The following WNT7B variants were observed in gnomAD, a reference collection of about 807,000 sequenced individuals.
WNT7B encodes the protein Wnt family member 7B.
Under a neutral mutation model 38.2 loss-of-function variants are expected in WNT7B, and 19 were observed. The observed-to-expected ratio is 0.50, with a 90% CI of 0.35 to 0.73. WNT7B has a LOEUF of 0.73. Ranked by LOEUF, WNT7B falls within the 30% of genes least tolerant of loss-of-function variation. WNT7B has a pLI of 0.01. For synonymous variants in WNT7B, 243 were observed against 209.3 expected (o/e 1.16, Z -1.39); for missense variants, 423 against 507.9 (o/e 0.83, Z 1.61).
Position 45,920,711 on chromosome 22 carries a change from GGGGATGGGATGA to G in WNT7B, c.*2133_*2144del, listed in dbSNP as rs1930901354. On this transcript the variant is annotated 3_prime_UTR_variant, in exon 4 of 4. Coordinates refer to ENST00000339464, the MANE Select transcript of WNT7B (RefSeq NM_058238.3). ...GGGGGATGGGGTCAGGGATGGGATGGGGGATGGGATGAGGGATGAGATGAGGGATGGGATGGG... is the reference window on the plus strand; with the variant it reads ...GGGGGATGGGGTCAGGGATGGGATGGGGGATGAGATGAGGGATGGGATGGG... 1 of 132,706 alleles carries G rather than the reference GGGGATGGGATGA, an allele frequency of 7.5e-6. No homozygotes were observed. The highest frequency in any genetic ancestry group is 1.6e-5 in the Non-Finnish European group (1 of 62,082). The allele number at this position is 132,706 out of a possible 1,614,324, so 8.2% of individuals were successfully genotyped here.
intron 3 of WNT7B, among the ~76,000 whole-genome samples, chr22:45,928,593 C>T (rs56092335): frequency 1.4e-4 from 21 of 152,078 alleles, no homozygotes; most frequent in Non-Finnish European, 2.6e-4. Context: ...CCTGCCCACC[C>T]GTGGGGACCA....
At chr22:45,950,951 C>T (rs550598366) in intron 1 of WNT7B, among the ~76,000 whole-genome samples, 3 of 152,356 alleles carry the variant, frequency 2.0e-5, no homozygotes, top group South Asian at 2.1e-4. Context: ...TGCAGTGGTC[C>T]ACTGAGGGGA....
At chr22:45,939,632 A>AACACACCACACACACACAC (rs1931593926) in intron 2 of WNT7B, among the ~76,000 whole-genome samples, 1 of 144,788 alleles carries the variant, frequency 6.9e-6, no homozygotes, top group East Asian at 2.1e-4. Context: ...TGTCTCTACA[A>AACACACCACACACACACAC]ACACACACAC....
At chr22:45,953,396 G>A (rs145312960) in intron 1 of WNT7B, among the ~76,000 whole-genome samples, 69 of 152,296 alleles carry the variant, frequency 4.5e-4, no homozygotes, top group Non-Finnish European at 5.6e-4. Context: ...GCAGACGGTC[G>A]GCCCCTCCAG....
At chr22:45,950,501 C>T (rs1332475239) in intron 1 of WNT7B, among the ~76,000 whole-genome samples, 2 of 152,232 alleles carry the variant, frequency 1.3e-5, no homozygotes, top group Non-Finnish European at 2.9e-5. Context: ...ATGTGGCAGC[C>T]GCCAACTCGG....
intron 1 of WNT7B, among the ~76,000 whole-genome samples, chr22:45,970,349 G>C (rs971767058): frequency 1.3e-5 from 2 of 152,212 alleles, no homozygotes; most frequent in African/African-American, 4.8e-5. Flanking sequence ...CACTCCAGGA[G>C]CAAGCCTGGC....
chr22:45,923,117 G>A lies in WNT7B; in HGVS notation c.789C>T (p.Pro263=), dbSNP rs61729551. Residue 263 remains proline (P), a synonymous_variant, in exon 4 of 4, where the codon CCC becomes CCT. Transcript: ENST00000339464. ...CAATGTACACCAGGTCTGTCTCCAT[G>A]GGCTTCTGATAGCTGCGCAGCTGTT... ...RIKQLRSYQK[P]METDLVYIEK... is the part of the protein sequence containing the mutation. 6.2e-7 allele frequency: 1 copy of A among 1,613,700 alleles called. No homozygotes were observed.
At chr22:45,924,209 C>A (rs1207777702) in intron 3 of WNT7B, among the ~76,000 whole-genome samples, 1 of 152,250 alleles carries the variant, frequency 6.6e-6, no homozygotes, top group Non-Finnish European at 1.5e-5. Flanking sequence ...CAGCCCAGCC[C>A]TGCCGGGGCT....
intron 3 of WNT7B, among the ~76,000 whole-genome samples, chr22:45,930,854 T>C (rs1350411215): frequency 6.6e-6 from 1 of 152,162 alleles, no homozygotes; most frequent in East Asian, 1.9e-4. Flanking sequence ...CCATCTTCCC[T>C]GGGGGCCGTG....
In WNT7B at chr22:45,923,463, G is replaced by A. The variant is rs1930990989; in HGVS notation, c.571-128C>T. On this transcript the variant is annotated intron_variant, in intron 3 of 3. Transcript: ENST00000339464. ...CCTTGGGCTGTGTGACCACAGGTGA[G>A]TGTCTCTCCCTCTCTGACCCTCAGC... 7.4e-6 allele frequency: 10 copies of A among 1,358,918 alleles called. No individual in the cohort carries two copies. In the South Asian group the frequency reaches 1.5e-4, roughly 20 times the overall value. The allele number at this position is 1,358,918 out of a possible 1,614,324, so 84.2% of individuals were successfully genotyped here.
At chr22:45,934,259 G>T (rs979586977) in intron 2 of WNT7B, among the ~76,000 whole-genome samples, 16 of 152,190 alleles carry the variant, frequency 1.1e-4, no homozygotes, top group Admixed American at 1.3e-4. Flanking sequence ...TCTGCCCCCA[G>T]CTTGGCCTCT....
intron 2 of WNT7B, among the ~76,000 whole-genome samples, chr22:45,943,095 TTGTGTGTGTGCATGTGTG>T (rs1931704729): frequency 2.0e-5 from 3 of 151,878 alleles, no homozygotes; most frequent in Admixed American, 1.3e-4. Context: ...GTGCGTGTGT[TTGTGTGTGTGCATGTGTG>T]TGTGTGCCAG....
At chr22:45,959,918 AC>A (rs1244147623) in intron 1 of WNT7B, among the ~76,000 whole-genome samples, 3 of 150,862 alleles carry the variant, frequency 2.0e-5, no homozygotes, top group African/African-American at 7.3e-5. Context: ...AGCATCCCAG[AC>A]CCCCCAGAGC....
chr22:45,975,631 G>A lies in WNT7B; in HGVS notation c.71+1053C>T. ...CTTCCACCTCTCCGCCTGGGAAGCCGCGTCTCCCACCAGTGGTACCTGCAC... is the reference window on the plus strand; with the variant it reads ...CTTCCACCTCTCCGCCTGGGAAGCCACGTCTCCCACCAGTGGTACCTGCAC... On this transcript the variant is annotated intron_variant, in intron 1 of 3. Transcript: ENST00000339464. The surrounding 1 kb of genome is among the most constrained non-coding windows in gnomAD (Gnocchi z 6.6). 1 of 713,756 alleles carries A rather than the reference G, an allele frequency of 1.4e-6. No homozygotes were observed. Among genetic ancestry groups the A allele is most frequent in the Non-Finnish European group, 2.6e-6 (1 of 383,090 alleles). The allele number at this position is 713,756 out of a possible 1,614,324, so 44.2% of individuals were successfully genotyped here.
intron 2 of WNT7B, among the ~76,000 whole-genome samples, chr22:45,937,863 G>T (rs977518970): frequency 1.3e-5 from 2 of 152,144 alleles, no homozygotes. Context: ...TACAAAATTA[G>T]CCAGGCATGG....
intron 3 of WNT7B, chr22:45,927,661 C>T (rs372800026): frequency 1.2e-4 from 85 of 734,578 alleles, no homozygotes; most frequent in African/African-American, 1.0e-3. Flanking sequence ...TTTGGGAGGC[C>T]GAGGCGGGCA....
chr22:45,950,381 C>T (rs1191576662), intron 1 of WNT7B, among the ~76,000 whole-genome samples: 2 of 152,246 alleles, frequency 1.3e-5, no homozygotes, highest in Non-Finnish European at 2.9e-5. Flanking sequence ...CCACACACAC[C>T]CAGGCCTCTG....
At chr22:45,955,749 G>C (rs1160011627) in intron 1 of WNT7B, among the ~76,000 whole-genome samples, 1 of 152,174 alleles carries the variant, frequency 6.6e-6, no homozygotes, top group Non-Finnish European at 1.5e-5. Context: ...CCCCAGCCTG[G>C]GCCAGTCCAC....
intron 2 of WNT7B, among the ~76,000 whole-genome samples, chr22:45,949,547 C>G (rs542607921): frequency 2.0e-5 from 3 of 151,872 alleles, no homozygotes; most frequent in Non-Finnish European, 4.4e-5. Context: ...GAAGAGGTAA[C>G]GTGCCTCCCT....
Sources: allele counts gnomAD v4.1 joint callset (sites outside exome capture counted in the v4.1 genomes callset), GRCh38; gene constraint gnomAD v4.1.1; non-coding constraint Gnocchi (gnomAD v3.1); transcripts MANE v1.5; gene names NCBI Gene and HGNC (gene_info 2026-07-23, HGNC 2026-07-21).